Variants in LIMD1 observed in about 807,000 individuals in gnomAD.
The protein encoded by LIMD1 is LIM domain-containing protein 1.
Under a neutral mutation model 58.4 loss-of-function variants are expected in LIMD1, and 23 were observed. That is an observed-to-expected ratio of 0.39 (90% CI 0.28 to 0.56). LIMD1 has a LOEUF of 0.56. LIMD1 is among the 20% of genes least tolerant of loss of function. The pLI is 0.57. For missense variants in LIMD1, 838 were observed against 855.5 expected (o/e 0.98, Z 0.25); for synonymous variants, 334 against 345.5 (o/e 0.97, Z 0.37).
intron 1 of LIMD1, among the ~76,000 whole-genome samples, chr3:45,597,095 C>T (rs1014286914): frequency 2.1e-4 from 32 of 151,950 alleles, no homozygotes; most frequent in African/African-American, 7.0e-4. Context: ...CTCCTGACCT[C>T]GTGATCCGCC....
intron 2 of LIMD1, among the ~76,000 whole-genome samples, chr3:45,648,600 G>T (rs1469986848): frequency 1.3e-5 from 2 of 152,192 alleles, no homozygotes; most frequent in African/African-American, 4.8e-5. Flanking sequence ...GTAAATATTA[G>T]GAGTGAAATT....
chr3:45,631,811 G>T (rs1256243576), intron 1 of LIMD1, among the ~76,000 whole-genome samples: 1 of 152,188 alleles, frequency 6.6e-6, no homozygotes, highest in Non-Finnish European at 1.5e-5. Flanking sequence ...ATGAACAGGG[G>T]TAGGAGAGGG....
In LIMD1 at chr3:45,595,795, C is replaced by G. The variant is rs768278346; in HGVS notation, c.916C>G (p.Pro306Ala). 3.1e-6 allele frequency: 5 copies of G among 1,613,998 alleles called. No homozygotes were observed. Among genetic ancestry groups the G allele is most frequent in the Non-Finnish European group, 4.2e-6 (5 of 1,180,024 alleles). Residue 306 changes from proline (P) to alanine (A), a missense_variant, in exon 1 of 8, where the codon CCC (proline) becomes GCC (alanine). Pro to Ala is a conservative substitution (Grantham distance 27). This residue lies in a region of LIMD1 where 659 missense variants were observed against 639.8 expected (regional missense o/e 1.03). Transcript: ENST00000273317. ...GTCAGCACCCTTGGCCCTGAGCTGCCCCAGGCAAGGAGGTCTTCCAAGATC... is the reference window on the plus strand; with the variant it reads ...GTCAGCACCCTTGGCCCTGAGCTGCGCCAGGCAAGGAGGTCTTCCAAGATC... ...SVSAPLALSCPRQGGLPRSNS... is the reference protein window; with the variant it reads ...SVSAPLALSCARQGGLPRSNS...
chr3:45,620,277 G>A (rs1701617644), intron 1 of LIMD1, among the ~76,000 whole-genome samples: 1 of 152,098 alleles, frequency 6.6e-6, no homozygotes, highest in Admixed American at 6.6e-5. Context: ...TTCAAAATCT[G>A]GGCCAATTTG....
At chr3:45,643,461 G>A (rs1701868313) in intron 2 of LIMD1, among the ~76,000 whole-genome samples, 1 of 151,680 alleles carries the variant, frequency 6.6e-6, no homozygotes, top group African/African-American at 2.4e-5. Context: ...CTCCATCCTG[G>A]GCGACAGGGT....
At chr3:45,650,101 C>A (rs79304315) in intron 2 of LIMD1, among the ~76,000 whole-genome samples, 17,235 of 151,856 alleles carry the variant, frequency 0.11, 1,333 homozygotes, top group Middle Eastern at 0.21. Context: ...TCCTCCCCAT[C>A]CACTAGGGAC....
At chr3:45,640,244 A>T (rs918025429) in intron 2 of LIMD1, among the ~76,000 whole-genome samples, 1 of 151,854 alleles carries the variant, frequency 6.6e-6, no homozygotes, top group African/African-American at 2.4e-5. Context: ...TTTCACTTCC[A>T]TGCCTCTGAT....
chr3:45,608,249 C>A (rs187068697), intron 1 of LIMD1, among the ~76,000 whole-genome samples: 344 of 152,306 alleles, frequency 2.3e-3, no homozygotes, highest in Non-Finnish European at 3.9e-3. Context: ...GCTTATAATC[C>A]TGTGTCCTTT....
chr3:45,639,259 C>T (rs2125659576), intron 2 of LIMD1, among the ~76,000 whole-genome samples: 1 of 152,274 alleles, frequency 6.6e-6, no homozygotes, highest in East Asian at 1.9e-4. Flanking sequence ...AACAGTTTCT[C>T]AATACTTGCT....
rs1162339767 is a variant in LIMD1 at position 45,595,294 on chromosome 3, C to T, written c.415C>T (p.His139Tyr). The change falls in exon 1 of 8, where the codon CAT (histidine) becomes TAT (tyrosine). Residue 139 changes from histidine to tyrosine, a missense_variant. This residue lies in a region of LIMD1 where 659 missense variants were observed against 639.8 expected (regional missense o/e 1.03). Coordinates refer to ENST00000273317, the MANE Select transcript of LIMD1 (RefSeq NM_014240.3). ...GGAGCAGAGATCCAGGCCATACCTGCATGGCACGAGGCATGGCAGCCAGGA... is the reference window on the plus strand; with the variant it reads ...GGAGCAGAGATCCAGGCCATACCTGTATGGCACGAGGCATGGCAGCCAGGA... ...PQEQRSRPYL[H>Y]GTRHGSQDCG... 22 of 1,613,190 alleles carry T rather than the reference C, an allele frequency of 1.4e-5. No homozygotes were observed. The highest frequency in any genetic ancestry group is 1.8e-5 in the Non-Finnish European group (21 of 1,180,018).
chr3:45,680,254 A>G lies in LIMD1; in HGVS notation c.*3195A>G, dbSNP rs1377423588. On this transcript the variant is annotated 3_prime_UTR_variant, in exon 8 of 8. Transcript: ENST00000273317. ...GTGAGAATTGAGCACAAGACCACAA[A>G]TTATTACTGCTTGATGCGCTTGTTA... 6.6e-6 allele frequency: 1 copy of G among 152,114 alleles called. No individual in the cohort carries two copies. Among genetic ancestry groups the G allele is most frequent in the African/African-American group, 2.4e-5 (1 of 41,404 alleles). 9.4% of individuals were successfully genotyped at this position (152,114 alleles called of 1,614,324 possible).
intron 1 of LIMD1, among the ~76,000 whole-genome samples, chr3:45,628,475 A>G (rs924511257): frequency 6.6e-6 from 1 of 152,260 alleles, no homozygotes; most frequent in African/African-American, 2.4e-5. Context: ...ACCTATTACA[A>G]TAGAATGGAT....
rs531338368 is a variant in LIMD1, at chr3:45,629,370, G to A, written c.1409-6780G>A. 5.0e-4 allele frequency among the ~76,000 whole-genome samples: 71 copies of A among 142,648 alleles called. 1 individual carries two copies. Among genetic ancestry groups the A allele is most frequent in the African/African-American group, 1.8e-3 (67 of 37,670 alleles). 93.6% of individuals were successfully genotyped at this position (142,648 alleles called of 152,430 possible). A position where few individuals can be genotyped will look rare whatever the true frequency, so the allele number is the denominator to read the frequency against. ...AGAGGTTGTAGTGAGCTGAGATCAC[G>A]CCACTGCACTCCAGCCTGGGTGACA... On this transcript the variant is annotated intron_variant, in intron 1 of 7. Coordinates refer to ENST00000273317, the MANE Select transcript of LIMD1 (RefSeq NM_014240.3).
intron 2 of LIMD1, among the ~76,000 whole-genome samples, chr3:45,664,894 C>T (rs751469598): frequency 3.9e-5 from 6 of 152,184 alleles, no homozygotes; most frequent in Non-Finnish European, 7.3e-5. Flanking sequence ...TGTGTTGAGC[C>T]TAGCACTGGA....
chr3:45,642,368 G>C (rs1417961974), intron 2 of LIMD1, among the ~76,000 whole-genome samples: 1 of 151,820 alleles, frequency 6.6e-6, no homozygotes, highest in African/African-American at 2.4e-5. Context: ...GTAGAGACAG[G>C]GTCTTGCTAT....
intron 4 of LIMD1, among the ~76,000 whole-genome samples, chr3:45,672,106 G>A (rs962282614): frequency 1.3e-5 from 2 of 152,188 alleles, no homozygotes; most frequent in African/African-American, 4.8e-5. Context: ...ATTACACTTG[G>A]ATTTGAGGTC....
At chr3:45,671,711 T>C (rs1182907241) in intron 4 of LIMD1, among the ~76,000 whole-genome samples, 2 of 152,204 alleles carry the variant, frequency 1.3e-5, no homozygotes, top group African/African-American at 4.8e-5. Flanking sequence ...CCCCCAGAGT[T>C]TCTGATTCAA....
chr3:45,641,723 ACATAGG>A (rs1300872101), intron 2 of LIMD1, among the ~76,000 whole-genome samples: 1 of 152,196 alleles, frequency 6.6e-6, no homozygotes, highest in Non-Finnish European at 1.5e-5. Context: ...TTTATTACTT[ACATAGG>A]CAGGCAACAC....
chr3:45,599,121 C>G (rs946975725), intron 1 of LIMD1, among the ~76,000 whole-genome samples: 3 of 151,936 alleles, frequency 2.0e-5, no homozygotes, highest in African/African-American at 7.3e-5. Context: ...GATTTGGAAG[C>G]CTATTTTATT....
Sources: allele counts gnomAD v4.1 joint callset (sites outside exome capture counted in the v4.1 genomes callset), GRCh38; gene constraint gnomAD v4.1.1; regional missense constraint gnomAD v4.1.1; transcripts MANE v1.5; gene names NCBI Gene and HGNC (gene_info 2026-07-23, HGNC 2026-07-21).